Variants in TRIOBP observed in about 807,000 individuals in gnomAD.
The protein encoded by TRIOBP is TRIO and F-actin-binding protein.
Under a neutral mutation model 238.8 loss-of-function variants are expected in TRIOBP, and 169 were observed. The ratio of observed to expected loss-of-function variants is 0.71; its 90% confidence interval spans 0.62 to 0.80. The LOEUF (loss-of-function observed/expected upper bound fraction) is 0.80. TRIOBP is among the 30% of genes least tolerant of loss of function. TRIOBP has a pLI of 0.00. For synonymous variants in TRIOBP, 1,150 were observed against 1,274.4 expected (o/e 0.90, Z 2.08); for missense variants, 2,838 against 3,122.6 (o/e 0.91, Z 2.17).
intron 7 of TRIOBP, among the ~76,000 whole-genome samples, chr22:37,731,277 A>G (rs1474380240): frequency 1.3e-5 from 2 of 151,818 alleles, no homozygotes; most frequent in Non-Finnish European, 2.9e-5. Context: ...AGCTGGGACT[A>G]CAGCCACGTA....
chr22:37,746,529 G>A, intron 11 of TRIOBP: 1 of 993,916 alleles, frequency 1.0e-6, no homozygotes, highest in Non-Finnish European at 1.3e-6. Flanking sequence ...TTTCCCGAAG[G>A]CGAGAGGAGG....
At chr22:37,769,669 G>A (rs896162054) in intron 21 of TRIOBP, among the ~76,000 whole-genome samples, 4 of 152,160 alleles carry the variant, frequency 2.6e-5, no homozygotes, top group Non-Finnish European at 5.9e-5. Flanking sequence ...GAAATATTGG[G>A]GTAAGAAAAT....
In TRIOBP at chr22:37,740,875, C is replaced by T. The variant is rs369248977; in HGVS notation, c.5185-20C>T. 174 of 1,564,206 alleles carry T rather than the reference C, an allele frequency of 1.1e-4. No individual in the cohort carries two copies. The highest frequency in any genetic ancestry group is 1.4e-4 in the Non-Finnish European group (158 of 1,153,964). On this transcript the variant is annotated intron_variant, in intron 10 of 23. Transcript: ENST00000644935. ...TCCTGCCAAAGGGACCTGGGGCCAA[C>T]ACTGGACCCTGTTTGACAGGCAGAC...
At position 37,735,070 on chromosome 22, in the gene TRIOBP, C is replaced by T; in HGVS notation, c.4734C>T (p.Pro1578=). ...APGEGVWARV[P]SLDWEGLLEL... ...GAGAGGGGGTCTGGGCCCGTGTCCCCAGCCTGGACTGGGAGGGCCTCTTGG... is the reference window on the plus strand; with the variant it reads ...GAGAGGGGGTCTGGGCCCGTGTCCCTAGCCTGGACTGGGAGGGCCTCTTGG... The change falls in exon 9 of 24, where the codon CCC becomes CCT. Residue 1578 remains proline (P), a synonymous_variant. Transcript: ENST00000644935. 1 of 1,606,804 alleles carries T rather than the reference C, an allele frequency of 6.2e-7. No individual in the cohort carries two copies. Among genetic ancestry groups the T allele is most frequent in the Non-Finnish European group, 8.5e-7 (1 of 1,175,060 alleles).
In TRIOBP at chr22:37,768,247, G is replaced by A. The variant is rs1926599284; in HGVS notation, c.6575+71G>A. The stretch of plus-strand genomic sequence containing the variant: ...TTGAGGAACTTTGCTGAGGCCCCTT[G>A]GCAGCGGACACATCAGTTTGCCCCT... On this transcript the variant is annotated intron_variant, in intron 19 of 23. Coordinates refer to ENST00000644935, the MANE Select transcript of TRIOBP (RefSeq NM_001039141.3). 1.6e-5 allele frequency: 21 copies of A among 1,274,390 alleles called. 1 individual carries two copies. In the South Asian group the frequency reaches 2.5e-4, roughly 15 times the overall value. 78.9% of individuals were successfully genotyped at this position (1,274,390 alleles called of 1,614,324 possible).
At position 37,774,099 on chromosome 22, in the gene TRIOBP, T is replaced by G. The variant is rs1188952951; in HGVS notation, c.*319T>G. On this transcript the variant is annotated 3_prime_UTR_variant, in exon 24 of 24. Coordinates refer to ENST00000644935, the MANE Select transcript of TRIOBP (RefSeq NM_001039141.3). ...AGATTTTTATATAGATTTTTTTCCT[T>G]TTTTTCCAAAACACTTTATACTTTA... The G allele has an allele frequency of 6.6e-6, 1 of 150,554 alleles. No homozygotes were observed. Among genetic ancestry groups the G allele is most frequent in the African/African-American group, 2.5e-5 (1 of 40,482 alleles). The allele number at this position is 150,554 out of a possible 1,614,324, so 9.3% of individuals were successfully genotyped here. A position where few individuals can be genotyped will look rare whatever the true frequency, so the allele number is the denominator to read the frequency against.
Position 37,724,807 on chromosome 22 carries a change from C to G in TRIOBP, c.2251C>G (p.Arg751Gly). ...CAACCCCAGAACATCCTGTGCCCAG[C>G]GGGACAATCCCAGAGCCTCCTCTCC... ...RDNPRTSCAQ[R>G]DNPRASSPNR... Residue 751 changes from arginine (R) to glycine (G), a missense_variant, in exon 7 of 24, where the codon CGG becomes GGG. Physicochemically the swap from Arg to Gly is moderately radical, Grantham distance 125 (BLOSUM62 -2). Coordinates refer to ENST00000644935, the MANE Select transcript of TRIOBP (RefSeq NM_001039141.3). The G allele has an allele frequency of 6.2e-7, 1 of 1,613,016 alleles. No homozygotes were observed. The highest frequency in any genetic ancestry group is 8.5e-7 in the Non-Finnish European group (1 of 1,179,382).
intron 3 of TRIOBP, among the ~76,000 whole-genome samples, chr22:37,705,578 GT>G (rs1922899695): frequency 6.6e-6 from 1 of 151,092 alleles, no homozygotes; most frequent in South Asian, 2.1e-4. Context: ...TTTCTGTTTT[GT>G]TTTTGTTTTT....
At chr22:37,747,342 A>G (rs887649621) in intron 11 of TRIOBP, among the ~76,000 whole-genome samples, 2 of 152,080 alleles carry the variant, frequency 1.3e-5, no homozygotes, top group Non-Finnish European at 2.9e-5. Context: ...CTAGTGCTTC[A>G]GGGAGGCTCT....
chr22:37,725,270 C>T lies in TRIOBP; in HGVS notation c.2714C>T (p.Pro905Leu). The change falls in exon 7 of 24, where the codon CCC becomes CTC. Residue 905 changes from proline (P) to leucine (L), a missense_variant. Transcript: ENST00000644935. ...CCCCATCGTACTAACAAAGACATCCCCTGGGCCTCGTTTCCCCTCCGGCCA... is the reference window on the plus strand; with the variant it reads ...CCCCATCGTACTAACAAAGACATCCTCTGGGCCTCGTTTCCCCTCCGGCCA... ...SSPHRTNKDI[P>L]WASFPLRPTQ... 1 of 1,614,012 alleles carries T rather than the reference C, an allele frequency of 6.2e-7. No homozygotes were observed. Among genetic ancestry groups the T allele is most frequent in the South Asian group, 1.1e-5 (1 of 91,082 alleles).
chr22:37,741,607 C>T (rs1924938212), intron 11 of TRIOBP, among the ~76,000 whole-genome samples: 1 of 152,234 alleles, frequency 6.6e-6, no homozygotes, highest in Non-Finnish European at 1.5e-5. Flanking sequence ...GGGGTCTCTT[C>T]TCTCTTTGAG....
At chr22:37,721,632 C>G (rs565079661) in intron 6 of TRIOBP, among the ~76,000 whole-genome samples, 1 of 152,290 alleles carries the variant, frequency 6.6e-6, no homozygotes, top group South Asian at 2.1e-4. Flanking sequence ...CACGTACCAC[C>G]AGGCCCTGCT....
Position 37,702,634 on chromosome 22 carries a change from CTTT to C in TRIOBP, c.114+1177_114+1179del, listed in dbSNP as rs34625454. On this transcript the variant is annotated intron_variant, in intron 3 of 23. Coordinates refer to ENST00000644935, the MANE Select transcript of TRIOBP (RefSeq NM_001039141.3). ...ATCTAGAGATTTTCTTTCTCTCTCTCTTTTTTTTTTTTTTTTTTTTTTTTGGAG... is the reference window on the plus strand; with the variant it reads ...ATCTAGAGATTTTCTTTCTCTCTCTCTTTTTTTTTTTTTTTTTTTTTGGAG... Among the ~76,000 whole-genome samples, 33 of 81,198 alleles carry C rather than the reference CTTT, an allele frequency of 4.1e-4. No homozygotes were observed. The South Asian group carries it at 8.2e-3, about 20-fold the overall frequency. 53.3% of individuals were successfully genotyped at this position (81,198 alleles called of 152,430 possible).
In TRIOBP at chr22:37,768,024, G is replaced by T. The variant is rs780373703; in HGVS notation, c.6473-50G>T. The T allele has an allele frequency of 2.0e-6, 3 of 1,489,858 alleles. No homozygotes were observed. In the South Asian group the frequency reaches 3.5e-5, roughly 18 times the overall value. 92.3% of individuals were successfully genotyped at this position (1,489,858 alleles called of 1,614,324 possible). ...CGTCTCAGAGCTGGTGGCACTTGGT[G>T]CTGCTGACCCCCCTCCAGTCTCTCT... On this transcript the variant is annotated intron_variant, in intron 18 of 23. Coordinates refer to ENST00000644935, the MANE Select transcript of TRIOBP (RefSeq NM_001039141.3).
intron 17 of TRIOBP, among the ~76,000 whole-genome samples, chr22:37,761,424 G>A (rs772192567): frequency 2.0e-5 from 3 of 152,118 alleles, no homozygotes; most frequent in Non-Finnish European, 4.4e-5. Context: ...ACTGCAGCCT[G>A]GGTGACAGTG....
chr22:37,723,992 C>T lies in TRIOBP; in HGVS notation c.1436C>T (p.Thr479Ile), dbSNP rs1261300520. The T allele has an allele frequency of 1.3e-6, 2 of 1,568,466 alleles. No individual in the cohort carries two copies. The highest frequency in any genetic ancestry group is 2.3e-5 in the South Asian group (2 of 88,464). ...PNRATRDNPRTSCAQRDNPRA... is the reference protein window; with the variant it reads ...PNRATRDNPRISCAQRDNPRA... ...AGAGCCACACGAGACAACCCCAGAA[C>T]ATCCTGTGCCCAGCGGGACAATCCC... The change falls in exon 7 of 24, where the codon ACA becomes ATA. Residue 479 changes from threonine (T) to isoleucine (I), a missense_variant. By Grantham distance (89) the Thr-to-Ile change is moderately conservative. Coordinates refer to ENST00000644935, the MANE Select transcript of TRIOBP (RefSeq NM_001039141.3).
At chr22:37,721,936 T>G (rs5750482) in intron 6 of TRIOBP, among the ~76,000 whole-genome samples, 1 of 151,990 alleles carries the variant, frequency 6.6e-6, no homozygotes, top group African/African-American at 2.4e-5. Context: ...AACTCTGTCA[T>G]GAGGCTAGGA....
At chr22:37,722,400 C>T (rs111525455) in intron 6 of TRIOBP, among the ~76,000 whole-genome samples, 1,538 of 149,282 alleles carry the variant, frequency 0.01, 9 homozygotes, top group Non-Finnish European at 0.015. Flanking sequence ...TGCACTCTAG[C>T]CTGGGTGACA....
chr22:37,704,314 C>T (rs776518879), intron 3 of TRIOBP, among the ~76,000 whole-genome samples: 3 of 152,050 alleles, frequency 2.0e-5, no homozygotes, highest in East Asian at 1.9e-4. Context: ...GACTGGGAGG[C>T]GGGGGCTTCA....
Sources: gnomAD v4.1 joint callset for allele counts (sites outside exome capture counted in the v4.1 genomes callset) on GRCh38, gnomAD v4.1.1 for gene constraint, MANE v1.5 for transcripts, NCBI Gene and HGNC (gene_info 2026-07-23, HGNC 2026-07-21) for gene names.